ATP10B: variants seen among roughly 807,000 people sequenced by gnomAD.
The protein encoded by ATP10B is phospholipid-transporting ATPase VB.
A neutral mutation model predicts 141.2 loss-of-function variants in ATP10B; 122 were observed. The ratio of observed to expected loss-of-function variants is 0.86; its 90% CI spans 0.75 to 1.00. The LOEUF is 1.00. ATP10B is among the 50% of genes least tolerant of loss of function. The pLI, the probability that ATP10B is intolerant of heterozygous loss-of-function variation, is 0.00. For synonymous variants in ATP10B, 685 were observed against 692.0 expected (o/e 0.99, Z 0.16); for missense variants, 1,876 against 1,825.3 (o/e 1.03, Z -0.51).
the ATP10B span, among the ~76,000 whole-genome samples, chr5:160,919,048 AC>A: frequency 2.7e-5 from 4 of 150,226 alleles, no homozygotes; most frequent in African/African-American, 4.9e-5. Flanking sequence ...ACACGGTGAA[AC>A]CCCGTCTCTA....
At chr5:160,855,327 G>A (rs775249171), upstream of ATP10B, among the ~76,000 whole-genome samples, 1 of 151,966 alleles carries the variant, frequency 6.6e-6, no homozygotes, top group Non-Finnish European at 1.5e-5. Context: ...ATTTCAATAG[G>A]TGTATAGCAA....
At chr5:160,758,529 C>T (rs903992618) in intron 2 of ATP10B, among the ~76,000 whole-genome samples, 3 of 152,200 alleles carry the variant, frequency 2.0e-5, no homozygotes, top group Non-Finnish European at 4.4e-5. Flanking sequence ...CTGATCAAAA[C>T]ATTGACATGG....
intron 7 of ATP10B, among the ~76,000 whole-genome samples, chr5:160,658,924 T>C (rs1365089245): frequency 6.6e-6 from 1 of 152,214 alleles, no homozygotes; most frequent in African/African-American, 2.4e-5. Context: ...TACAGTTCTG[T>C]CACATGTAAC....
chr5:160,632,242 G>A lies in ATP10B; in HGVS notation c.1507C>T (p.Gln503Ter). Residue 503 changes from glutamine (Q) to a stop codon, truncating the protein, a stop_gained, in exon 13 of 26, where the codon CAG becomes TAG. Transcript: ENST00000327245. LOFTEE classifies it high-confidence loss of function. ...GCACTCTGGCTCCTCCTCAGAGGCT[G>A]AGCACCTTTTTGGCTTCTCATAGTT... Reference protein sequence around the residue: ...PATMRSQKGAQPLRRSQSARV... With the variant: ...PATMRSQKGA 1 of 1,614,166 alleles carries A rather than the reference G, an allele frequency of 6.2e-7. No homozygotes were observed. Among genetic ancestry groups the A allele is most frequent in the African/African-American group, 1.3e-5 (1 of 75,036 alleles).
chr5:160,912,700 G>GAA, the ATP10B span, among the ~76,000 whole-genome samples: 2 of 151,170 alleles, frequency 1.3e-5, no homozygotes, highest in East Asian at 1.9e-4. Flanking sequence ...AAAGAAAAAA[G>GAA]AAAAGAGAAA....
At chr5:160,566,017 G>A (rs970074742) in intron 25 of ATP10B, 117 bp from the exon 26 acceptor site, 26 of 960,262 alleles carry the variant, frequency 2.7e-5, no homozygotes, top group Admixed American at 1.1e-4. Flanking sequence ...CCTCTTTACT[G>A]CTATTAAATC....
At chr5:160,805,204 A>G (rs1772691810) in intron 1 of ATP10B, among the ~76,000 whole-genome samples, 1 of 152,204 alleles carries the variant, frequency 6.6e-6, no homozygotes, top group Non-Finnish European at 1.5e-5. Flanking sequence ...TTGTTTATGT[A>G]TCATTTTTAG....
chr5:160,638,806 T>C (rs1759617285), intron 10 of ATP10B, among the ~76,000 whole-genome samples: 2 of 152,196 alleles, frequency 1.3e-5, no homozygotes, highest in South Asian at 4.1e-4. Context: ...GTTTTTCTCT[T>C]GATTGTCCCT....
intron 2 of ATP10B, among the ~76,000 whole-genome samples, chr5:160,765,164 T>C (rs529119413): frequency 6.6e-6 from 1 of 152,182 alleles, no homozygotes; most frequent in Admixed American, 6.5e-5. Flanking sequence ...AATCTACAGA[T>C]TCAATGCAAT....
At chr5:160,818,856 G>A (rs1773887561) in intron 1 of ATP10B, among the ~76,000 whole-genome samples, 1 of 152,126 alleles carries the variant, frequency 6.6e-6, no homozygotes, top group African/African-American at 2.4e-5. Context: ...GTAGGGACAT[G>A]GATGAAGCTG....
At chr5:160,840,706 C>A (rs1775760876) in intron 1 of ATP10B, among the ~76,000 whole-genome samples, 1 of 151,762 alleles carries the variant, frequency 6.6e-6, no homozygotes, top group Non-Finnish European at 1.5e-5. Flanking sequence ...CTACATATGG[C>A]AAAAATACCA....
chr5:160,644,279 G>C (rs1312786495), intron 8 of ATP10B, 35 bp from the exon 9 acceptor site: 1 of 1,529,602 alleles, frequency 6.5e-7, no homozygotes, highest in Admixed American at 1.7e-5. Context: ...GGGGTGGTTT[G>C]GTGGCCTTTC....
At chr5:160,650,161 CATAT>C (rs916991065) in intron 7 of ATP10B, among the ~76,000 whole-genome samples, 10 of 148,948 alleles carry the variant, frequency 6.7e-5, no homozygotes, top group Non-Finnish European at 1.2e-4. Context: ...CATATATATA[CATAT>C]ATATACATAC....
At chr5:160,590,950 G>A (rs535199220) in intron 23 of ATP10B, 109 bp downstream of exon 23, 1 of 873,514 alleles carries the variant, frequency 1.1e-6, no homozygotes, top group African/African-American at 1.7e-5. Flanking sequence ...ACCTGTTTGA[G>A]CCTCTGCTCT....
At chr5:160,812,012 GAC>G (rs1773189905) in intron 1 of ATP10B, among the ~76,000 whole-genome samples, 39 of 83,322 alleles carry the variant, frequency 4.7e-4, no homozygotes, top group African/African-American at 1.2e-3. Context: ...CAGAGACAGA[GAC>G]AGAGACAGAG....
chr5:160,731,920 T>C (rs1766770710), intron 2 of ATP10B, among the ~76,000 whole-genome samples: 1 of 152,136 alleles, frequency 6.6e-6, no homozygotes, highest in Non-Finnish European at 1.5e-5. Context: ...CTACAGTCTT[T>C]ATAGGAAAAT....
the ATP10B span, among the ~76,000 whole-genome samples, chr5:160,888,034 T>C: frequency 6.6e-6 from 1 of 152,324 alleles, no homozygotes; most frequent in Admixed American, 6.5e-5. Flanking sequence ...ATTTGTTTAA[T>C]GTATTGCATA....
intron 2 of ATP10B, among the ~76,000 whole-genome samples, chr5:160,768,131 CATT>C (rs1396045945): frequency 2.6e-5 from 4 of 152,118 alleles, no homozygotes; most frequent in Non-Finnish European, 5.9e-5. Context: ...TCATTACCAT[CATT>C]GTCATCTTCC....
intron 24 of ATP10B, among the ~76,000 whole-genome samples, chr5:160,575,814 A>T (rs1055258731): frequency 6.6e-6 from 1 of 152,214 alleles, no homozygotes; most frequent in Non-Finnish European, 1.5e-5. Context: ...CAAAAAACCA[A>T]CTATGACTGA....
Sources: allele counts gnomAD v4.1 joint callset (sites outside exome capture counted in the v4.1 genomes callset), GRCh38; gene constraint gnomAD v4.1.1; transcripts MANE v1.5; gene names NCBI Gene and HGNC (gene_info 2026-07-23, HGNC 2026-07-21).